The following PRKDC variants were observed in gnomAD, a reference collection of about 807,000 sequenced individuals.
PRKDC encodes the protein protein kinase, DNA-activated, catalytic subunit.
In PRKDC, 82 loss-of-function variants were observed where a neutral mutation model predicts 486.9. The observed-to-expected ratio is 0.17, with a 90% CI of 0.14 to 0.20. The LOEUF (loss-of-function observed/expected upper bound fraction) is 0.20, where lower values mean the gene tolerates loss of function less well. Among genes scored for constraint, PRKDC ranks in the 10% least tolerant of loss-of-function variants. PRKDC has a pLI of 1.00. For missense variants in PRKDC, 4,504 were observed against 5,038.2 expected (o/e 0.89, Z 3.21); for synonymous variants, 1,895 against 1,837.0 (o/e 1.03, Z -0.81).
chr8:47,812,787 CAA>C (rs973795898), intron 68 of PRKDC, among the ~76,000 whole-genome samples: 28 of 151,900 alleles, frequency 1.8e-4, no homozygotes, highest in African/African-American at 6.8e-4. Context: ...AGAAAATTAA[CAA>C]AGTAAAAAAC....
chr8:47,886,080 T>G lies in PRKDC; in HGVS notation c.4640A>C (p.Gln1547Pro). 6.2e-7 allele frequency: 1 copy of G among 1,613,664 alleles called. No individual in the cohort carries two copies. The highest frequency in any genetic ancestry group is 8.5e-7 in the Non-Finnish European group (1 of 1,179,886). The stretch of plus-strand genomic sequence containing the variant: ...ATGGGAGAAGTGGATGACGCTGCCC[T>G]GTGAGCTGCCCAAGGACGCCGTGGA... ...VLSTASLGSSQGSVIHFSHGE... is the reference protein window; with the variant it reads ...VLSTASLGSSPGSVIHFSHGE... Residue 1547 changes from glutamine to proline, a missense_variant, in exon 36 of 86, where the codon CAG becomes CCG. Physicochemically the swap from Gln to Pro is moderately conservative, Grantham distance 76 (BLOSUM62 -1). Transcript: ENST00000314191.
intron 49 of PRKDC, among the ~76,000 whole-genome samples, chr8:47,856,051 C>G (rs906992581): frequency 1.3e-5 from 2 of 152,206 alleles, no homozygotes; most frequent in Non-Finnish European, 2.9e-5. Flanking sequence ...TCTCTTTCAA[C>G]GGACCCTTGT....
chr8:47,875,828 T>C (rs1266577267), intron 40 of PRKDC, among the ~76,000 whole-genome samples: 1 of 152,226 alleles, frequency 6.6e-6, no homozygotes, highest in South Asian at 2.1e-4. Flanking sequence ...GTCTAGTATA[T>C]AGTCTGTCCT....
rs2088593955 is a variant in PRKDC, at chr8:47,858,394, A to G, written c.6465+122T>C. 5 of 963,000 alleles carry G rather than the reference A, an allele frequency of 5.2e-6. No homozygotes were observed. The South Asian group carries it at 8.0e-5, about 15-fold the overall frequency. The allele number at this position is 963,000 out of a possible 1,614,324, so 59.7% of individuals were successfully genotyped here. A position where few individuals can be genotyped will look rare whatever the true frequency, so the allele number is the denominator to read the frequency against. On this transcript the variant is annotated intron_variant, in intron 48 of 85. Transcript: ENST00000314191. The stretch of plus-strand genomic sequence containing the variant: ...AAAATGTCATGCTCTGCCCCTTTAT[A>G]TTTTCCTTTTTTGTGTGTGTTTTTA...
intron 10 of PRKDC, among the ~76,000 whole-genome samples, chr8:47,941,399 T>C (rs2090442996): frequency 6.6e-6 from 1 of 152,102 alleles, no homozygotes; most frequent in Non-Finnish European, 1.5e-5. Context: ...CTGGTAACAA[T>C]GTGACTCGGA....
chr8:47,906,069 C>A (rs2089775123), intron 25 of PRKDC, among the ~76,000 whole-genome samples: 1 of 152,166 alleles, frequency 6.6e-6, no homozygotes, highest in Non-Finnish European at 1.5e-5. Flanking sequence ...AAATGCTGGC[C>A]AGGCGCAGTG....
intron 22 of PRKDC, among the ~76,000 whole-genome samples, chr8:47,916,739 A>G (rs1157264104): frequency 6.6e-6 from 1 of 152,164 alleles, no homozygotes; most frequent in African/African-American, 2.4e-5. Context: ...GATAGCTGTC[A>G]CACTTTTCTA....
chr8:47,835,307 C>T (rs1447502368), intron 58 of PRKDC, among the ~76,000 whole-genome samples: 2 of 152,092 alleles, frequency 1.3e-5, no homozygotes, highest in East Asian at 1.9e-4. Context: ...CCAAAACATA[C>T]ATATACTGAA....
At chr8:47,780,876 C>T (rs1326489867) in intron 80 of PRKDC, among the ~76,000 whole-genome samples, 1 of 151,846 alleles carries the variant, frequency 6.6e-6, no homozygotes, top group Non-Finnish European at 1.5e-5. Context: ...AAGCGGAGAC[C>T]ACAGTGAGCC....
Position 47,890,332 on chromosome 8 carries a change from G to A in PRKDC, c.3996C>T (p.Tyr1332=). ...TCCGGACCACAACGGTGCATTTGCTGTAGTTGTACCTTTCTCCCTCTTGTG... is the reference window on the plus strand; with the variant it reads ...TCCGGACCACAACGGTGCATTTGCTATAGTTGTACCTTTCTCCCTCTTGTG... The part of the protein sequence containing the change: ...TSPQEGERYN[Y]SKCTVVVRIM... The change falls in exon 32 of 86, where the codon TAC becomes TAT. Residue 1332 remains tyrosine, a synonymous_variant. Transcript: ENST00000314191. The A allele has an allele frequency of 6.2e-7, 1 of 1,613,482 alleles. No individual in the cohort carries two copies. Among genetic ancestry groups the A allele is most frequent in the Non-Finnish European group, 8.5e-7 (1 of 1,179,814 alleles).
chr8:47,878,190 C>T (rs903444998), intron 39 of PRKDC, among the ~76,000 whole-genome samples: 1 of 150,810 alleles, frequency 6.6e-6, no homozygotes. Flanking sequence ...CTGCAAACTC[C>T]GCCTCCCAGG....
chr8:47,949,605 A>AT (rs1276454545), intron 7 of PRKDC, among the ~76,000 whole-genome samples: 1 of 152,238 alleles, frequency 6.6e-6, no homozygotes, highest in Non-Finnish European at 1.5e-5. Context: ...AGAATTAAAC[A>AT]TATGACCTAA....
chr8:47,871,307 T>A, intron 40 of PRKDC, among the ~76,000 whole-genome samples: 2 of 151,482 alleles, frequency 1.3e-5, no homozygotes, highest in African/African-American at 4.9e-5. Flanking sequence ...CACCCAGAAG[T>A]CAAGAATAAA....
chr8:47,900,273 G>GA (rs1040002214), intron 28 of PRKDC, 100 bp downstream of exon 28: 18,094 of 665,434 alleles, frequency 0.027, 11 homozygotes, highest in Admixed American at 0.042. Context: ...GAACTCTTGG[G>GA]AAAAAAAAAA....
In PRKDC at chr8:47,864,765, TA is replaced by T; in HGVS notation, c.5364-3del. ...CCTACTTGTGTGACACATGAACCCC[TA>T]AGAAAACAAGATAAAATTATATGAA... On this transcript the variant is annotated splice_region_variant and splice_polypyrimidine_tract_variant and intron_variant, in intron 40 of 85. Coordinates refer to ENST00000314191, the MANE Select transcript of PRKDC (RefSeq NM_006904.7). 1 of 1,565,394 alleles carries T rather than the reference TA, an allele frequency of 6.4e-7. No individual in the cohort carries two copies. The highest frequency in any genetic ancestry group is 8.7e-7 in the Non-Finnish European group (1 of 1,152,598).
chr8:47,926,747 T>C (rs2090163912), intron 21 of PRKDC: 1 of 152,434 alleles, frequency 6.6e-6, no homozygotes, highest in South Asian at 2.1e-4. Context: ...GACATTTTTT[T>C]CGCAATTCTT....
intron 1 of PRKDC, 129 bp downstream of exon 1, chr8:47,959,843 TC>T (rs1563826869): frequency 7.0e-7 from 1 of 1,419,824 alleles, no homozygotes; most frequent in Non-Finnish European, 9.3e-7. Flanking sequence ...ACACAGAAAT[TC>T]CCCCAAGAAT....
At chr8:47,796,690 C>T (rs1180746253) in intron 73 of PRKDC, among the ~76,000 whole-genome samples, 1 of 151,900 alleles carries the variant, frequency 6.6e-6, no homozygotes, top group African/African-American at 2.4e-5. Flanking sequence ...ACCTCCACCT[C>T]CTGGGTTCAA....
chr8:47,865,141 A>G (rs1013399944), intron 40 of PRKDC, among the ~76,000 whole-genome samples: 11 of 151,880 alleles, frequency 7.2e-5, no homozygotes, highest in African/African-American at 2.2e-4. Flanking sequence ...TAATCCCAGC[A>G]CTTTGGGAGG....
Sources: allele counts gnomAD v4.1 joint callset (sites outside exome capture counted in the v4.1 genomes callset), GRCh38; gene constraint gnomAD v4.1.1; transcripts MANE v1.5; gene names NCBI Gene and HGNC (gene_info 2026-07-23, HGNC 2026-07-21).